STAG3: variants seen among roughly 807,000 people sequenced by gnomAD.
The protein encoded by STAG3 is STAG3 cohesin complex component, also known as cohesin subunit SA-3.
In STAG3, 101 loss-of-function variants were observed where a neutral mutation model predicts 160.7. The observed-to-expected ratio is 0.63, with a 90% CI of 0.54 to 0.74. The LOEUF is 0.74. STAG3 is among the 30% of genes least tolerant of loss of function. The pLI is 0.00. For missense variants in STAG3, 1,188 were observed against 1,517.4 expected (o/e 0.78, Z 3.61); for synonymous variants, 519 against 585.0 (o/e 0.89, Z 1.63).
intron 29 of STAG3, 116 bp from the exon 30 acceptor site, chr7:100,210,895 G>A: frequency 1.8e-6 from 2 of 1,142,282 alleles, no homozygotes; most frequent in Middle Eastern, 2.0e-4. Flanking sequence ...AGCTGTATAA[G>A]TTTTCCATTC....
chr7:100,194,926 G>GA (rs35122867), intron 8 of STAG3, among the ~76,000 whole-genome samples: 25,667 of 152,166 alleles, frequency 0.17, 2,743 homozygotes, highest in Middle Eastern at 0.32. Flanking sequence ...TATACTATTA[G>GA]AAAAATGGCA....
chr7:100,181,987 T>C (rs528967056), intron 2 of STAG3, 103 bp from the exon 3 acceptor site: 20 of 678,158 alleles, frequency 2.9e-5, no homozygotes, highest in African/African-American at 2.2e-4. Flanking sequence ...GTTTTTCTCA[T>C]GGAGATGGGG....
Position 100,188,454 on chromosome 7 carries a change from C to T in STAG3, c.435C>T (p.Gly145=). 2 of 1,606,402 alleles carry T rather than the reference C, an allele frequency of 1.2e-6. No homozygotes were observed. Among genetic ancestry groups the T allele is most frequent in the Non-Finnish European group, 1.7e-6 (2 of 1,172,908 alleles). The change falls in exon 6 of 34, where the codon GGC becomes GGT. Residue 145 remains glycine (G), a splice_region_variant and synonymous_variant. Coordinates refer to ENST00000615138, the MANE Select transcript of STAG3 (RefSeq NM_001282717.2). ...CACCTCATATCCTTCATTCTTTAGG[C>T]ATTGTGACCCCTGAGATGTTCAAGA... ...NFFIQSCGCK[G]IVTPEMFKKM... is the part of the protein sequence containing the mutation.
chr7:100,180,491 A>C lies in STAG3; in HGVS notation c.-64-2A>C. ...GAGCCCTTTCTTCTCTTTCTTCCCCAGCTGGATCGCCATACCTACCCTGTG... is the reference window on the plus strand; with the variant it reads ...GAGCCCTTTCTTCTCTTTCTTCCCCCGCTGGATCGCCATACCTACCCTGTG... On this transcript the variant is annotated splice_acceptor_variant, in intron 1 of 33. Transcript: ENST00000615138. LOFTEE classifies it low-confidence loss of function (5UTR_SPLICE). 2 of 915,648 alleles carry C rather than the reference A, an allele frequency of 2.2e-6. No individual in the cohort carries two copies. The highest frequency in any genetic ancestry group is 2.6e-5 in the South Asian group (2 of 76,000). 56.7% of individuals were successfully genotyped at this position (915,648 alleles called of 1,614,324 possible).
intron 29 of STAG3, among the ~76,000 whole-genome samples, chr7:100,208,958 T>G (rs571833162): frequency 6.6e-6 from 1 of 152,294 alleles, no homozygotes; most frequent in Admixed American, 6.5e-5. Context: ...CAGGTTTATT[T>G]GAGCATTCAG....
At chr7:100,217,365 T>C (rs905771099), downstream of STAG3, among the ~76,000 whole-genome samples, 3 of 152,210 alleles carry the variant, frequency 2.0e-5, no homozygotes, top group African/African-American at 7.2e-5. Context: ...CTGGACGAGC[T>C]GAGGCCAGCT....
At chr7:100,217,047 C>T (rs1802818150), downstream of STAG3, among the ~76,000 whole-genome samples, 1 of 152,138 alleles carries the variant, frequency 6.6e-6, no homozygotes, top group Admixed American at 6.5e-5. Context: ...TGGTGATGGG[C>T]TGGGGGTTTG....
In STAG3 at chr7:100,186,286, C is replaced by A. The variant is rs376281363; in HGVS notation, c.423C>A (p.Cys141Ter). 201 of 1,613,706 alleles carry A rather than the reference C, an allele frequency of 1.2e-4. No homozygotes were observed. Among genetic ancestry groups the A allele is most frequent in the Non-Finnish European group, 1.6e-4 (193 of 1,179,786 alleles). Reference sequence around the variant, plus strand: ...TTGTTAACTTTTTCATCCAATCTTGCGGATGTAAAGGTGAGGAAACTGCTC... The same window carrying A: ...TTGTTAACTTTTTCATCCAATCTTGAGGATGTAAAGGTGAGGAAACTGCTC... The part of the protein sequence containing the change: ...LELVNFFIQS[C>*]GCKGIVTPEM... Residue 141 changes from cysteine to a stop codon, truncating the protein, a stop_gained, in exon 5 of 34, where the codon TGC (cysteine) becomes TGA (stop). Transcript: ENST00000615138. LOFTEE classifies it high-confidence loss of function.
At position 100,199,355 on chromosome 7, in the gene STAG3, G is replaced by C; in HGVS notation, c.1561G>C (p.Glu521Gln). Residue 521 changes from glutamate to glutamine, a missense_variant, in exon 15 of 34, where the codon GAG (glutamate) becomes CAG (glutamine). By Grantham distance (29) the Glu-to-Gln change is conservative. Around this residue, in one of 4 missense-constraint regions of STAG3, gnomAD observed 240 missense variants for 358.1 expected, o/e 0.67. Transcript: ENST00000615138. ...GGAGGGTCTGACAAGCCTGCTGCTG[G>C]AGAAGGACCAGAGTACGTGTCACAC... ...DWEGLTSLLL[E>Q]KDQNLGDVQE... 6.2e-7 allele frequency: 1 copy of C among 1,614,016 alleles called. No individual in the cohort carries two copies. Among genetic ancestry groups the C allele is most frequent in the Non-Finnish European group, 8.5e-7 (1 of 1,179,886 alleles).
chr7:100,197,907 CTT>C, intron 11 of STAG3, 31 bp downstream of exon 11: 1 of 1,596,924 alleles, frequency 6.3e-7, no homozygotes, highest in Non-Finnish European at 8.6e-7. Flanking sequence ...TGGCTTGGCT[CTT>C]TGTCGTGGTT....
intron 9 of STAG3, 121 bp downstream of exon 9, chr7:100,195,503 C>A: frequency 3.5e-6 from 3 of 860,308 alleles, no homozygotes; most frequent in Non-Finnish European, 3.6e-6. Context: ...ATTAATGCAG[C>A]TGGAGCAAAA....
In STAG3 at chr7:100,204,652, A is replaced by G. The variant is rs1267834476; in HGVS notation, c.2828A>G (p.His943Arg). The G allele has an allele frequency of 1.2e-6, 2 of 1,614,154 alleles. No individual in the cohort carries two copies. Among genetic ancestry groups the G allele is most frequent in the South Asian group, 1.1e-5 (1 of 91,084 alleles). The stretch of plus-strand genomic sequence containing the variant: ...CTGTACACAGAACTGCTGCAGGAGC[A>G]TGGGCCCCAGGGCCTGAATGAGCTT... ...KQLYTELLQE[H>R]GPQGLNELPA... The change falls in exon 27 of 34, where the codon CAT becomes CGT. Residue 943 changes from histidine to arginine, a missense_variant. By Grantham distance (29) the His-to-Arg change is conservative. Coordinates refer to ENST00000615138, the MANE Select transcript of STAG3 (RefSeq NM_001282717.2).
At chr7:100,191,130 C>G (rs1800322888) in intron 8 of STAG3, among the ~76,000 whole-genome samples, 1 of 152,032 alleles carries the variant, frequency 6.6e-6, no homozygotes, top group South Asian at 2.1e-4. Flanking sequence ...CGTTGCGGGG[C>G]TGTCCTGCCA....
At chr7:100,179,037 G>T (rs1005089482) in intron 1 of STAG3, among the ~76,000 whole-genome samples, 1 of 151,440 alleles carries the variant, frequency 6.6e-6, no homozygotes, top group Non-Finnish European at 1.5e-5. Flanking sequence ...ACAGGATCTT[G>T]CTATATTGCC....
At chr7:100,197,747 T>G (rs748203570) in intron 10 of STAG3, 31 bp from the exon 11 acceptor site, 1 of 1,573,320 alleles carries the variant, frequency 6.4e-7, no homozygotes, top group Non-Finnish European at 8.7e-7. Context: ...TTAGTCTTAT[T>G]TCCATTCTCC....
downstream of STAG3, among the ~76,000 whole-genome samples, chr7:100,217,537 T>C (rs1358554763): frequency 3.3e-5 from 5 of 151,784 alleles, no homozygotes; most frequent in Admixed American, 1.3e-4. Flanking sequence ...GACAAAGAGA[T>C]AGAAGAAAAG....
upstream of STAG3, chr7:100,177,828 C>T (rs1799364943): frequency 1.3e-5 from 2 of 152,424 alleles, no homozygotes; most frequent in African/African-American, 2.4e-5. Flanking sequence ...CGCGCATCAG[C>T]TCGCACACTT....
intron 14 of STAG3, 142 bp from the exon 15 acceptor site, chr7:100,199,120 T>A: frequency 1.2e-6 from 1 of 865,368 alleles, no homozygotes; most frequent in East Asian, 2.6e-5. Flanking sequence ...TGAGACCCTG[T>A]CTCTATCGAA....
chr7:100,203,129 GCTTA>G (rs1801292497), intron 25 of STAG3, among the ~76,000 whole-genome samples: 1 of 152,054 alleles, frequency 6.6e-6, no homozygotes, highest in African/African-American at 2.4e-5. Context: ...GCACTGTCAG[GCTTA>G]CTTCTCTTCT....
Sources: gnomAD v4.1 joint callset for allele counts (sites outside exome capture counted in the v4.1 genomes callset) on GRCh38, gnomAD v4.1.1 for gene constraint, gnomAD v4.1.1 regional missense constraint, MANE v1.5 for transcripts, NCBI Gene and HGNC (gene_info 2026-07-23, HGNC 2026-07-21) for gene names.